Variants in KDM4C observed in about 807,000 individuals in gnomAD.
KDM4C encodes the protein lysine demethylase 4C.
In KDM4C, 81 loss-of-function variants were observed where a neutral mutation model predicts 129.3. The ratio of observed to expected loss-of-function variants is 0.63; its 90% CI spans 0.52 to 0.75. The LOEUF (loss-of-function observed/expected upper bound fraction) is 0.75, where lower values mean the gene tolerates loss of function less well. Among genes scored for constraint, KDM4C ranks in the 30% least tolerant of loss-of-function variants. The pLI is 0.00. For synonymous variants in KDM4C, 573 were observed against 456.1 expected, an observed-to-expected ratio of 1.26 and a Z score of -3.26; for missense variants, 1,457 against 1,304.0, an observed-to-expected ratio of 1.12 and a Z score of -1.81.
At chr9:6,879,921 T>C (rs1050542711) in intron 5 of KDM4C, 91 bp from the exon 6 acceptor site, 3 of 596,242 alleles carry the variant, frequency 5.0e-6, no homozygotes, top group Non-Finnish European at 8.9e-6. Context: ...GTTGAATTTC[T>C]TTTATGTGAC....
At chr9:7,055,519 C>T (rs371866035) in intron 17 of KDM4C, among the ~76,000 whole-genome samples, 4 of 152,202 alleles carry the variant, frequency 2.6e-5, no homozygotes, top group African/African-American at 9.6e-5. Context: ...CCATACTATT[C>T]TGCTTAGAAG....
chr9:7,132,362 T>C (rs1840735282), intron 19 of KDM4C, among the ~76,000 whole-genome samples: 2 of 152,140 alleles, frequency 1.3e-5, no homozygotes, highest in African/African-American at 4.8e-5. Context: ...TACGTTAGCG[T>C]TATGTGACTG....
rs190667328 is a variant in KDM4C, at chr9:6,770,836, C to T, written c.-18+12633C>T. Among the ~76,000 whole-genome samples, 464 of 137,058 alleles carry T rather than the reference C, an allele frequency of 3.4e-3. 2 individuals carry two copies. The highest frequency in any genetic ancestry group is 0.012 in the African/African-American group (433 of 36,112). The allele number at this position is 137,058 out of a possible 152,430, so 89.9% of individuals were successfully genotyped here. The stretch of plus-strand genomic sequence containing the variant: ...TGTCGCTCAGGCTGGAATGCAGTGG[C>T]GCAATCTTGGCTCACTGCAACCTCT... On this transcript the variant is annotated intron_variant, in intron 1 of 21. Coordinates refer to ENST00000381309, the MANE Select transcript of KDM4C (RefSeq NM_015061.6).
At chr9:6,772,448 G>A (rs957400402) in intron 1 of KDM4C, among the ~76,000 whole-genome samples, 10 of 151,906 alleles carry the variant, frequency 6.6e-5, no homozygotes, top group African/African-American at 9.7e-5. Flanking sequence ...CGCAACCTCC[G>A]CCTCCTGCGT....
chr9:6,867,504 A>C (rs1310910895), intron 5 of KDM4C, among the ~76,000 whole-genome samples: 1 of 152,228 alleles, frequency 6.6e-6, no homozygotes, highest in African/African-American at 2.4e-5. Flanking sequence ...AGTTTGCTTC[A>C]GAAAATTTTT....
intron 17 of KDM4C, among the ~76,000 whole-genome samples, chr9:7,064,955 T>C (rs1832219237): frequency 6.6e-6 from 1 of 152,230 alleles, no homozygotes; most frequent in African/African-American, 2.4e-5. Context: ...GTCTCTTGTA[T>C]ATTCTCTCTT....
chr9:7,048,663 G>A (rs1829745418), intron 16 of KDM4C, among the ~76,000 whole-genome samples: 1 of 151,946 alleles, frequency 6.6e-6, no homozygotes, highest in South Asian at 2.1e-4. Flanking sequence ...CATGACATTT[G>A]TATTATTTTA....
intron 5 of KDM4C, among the ~76,000 whole-genome samples, chr9:6,865,861 C>G (rs984430090): frequency 6.6e-6 from 1 of 152,134 alleles, no homozygotes; most frequent in Non-Finnish European, 1.5e-5. Flanking sequence ...CGCCATTCTC[C>G]TGCCTCAGCC....
chr9:6,807,499 A>G (rs1417956662), intron 3 of KDM4C, among the ~76,000 whole-genome samples: 2 of 122,208 alleles, frequency 1.6e-5, no homozygotes, highest in South Asian at 5.7e-4. Flanking sequence ...CCGGCCGCCC[A>G]TCGTCTGAGA....
chr9:6,972,790 A>G (rs1287641174), intron 8 of KDM4C, among the ~76,000 whole-genome samples: 3 of 152,338 alleles, frequency 2.0e-5, no homozygotes, highest in East Asian at 3.9e-4. Flanking sequence ...ATTTATTAGA[A>G]TAATAATGAA....
intron 4 of KDM4C, among the ~76,000 whole-genome samples, chr9:6,848,666 CA>C (rs1838291364): frequency 1.3e-5 from 2 of 149,852 alleles, no homozygotes; most frequent in South Asian, 4.2e-4. Flanking sequence ...GAGACTGTCT[CA>C]GGGGAAAAAA....
chr9:7,123,244 G>A (rs1213692733), intron 18 of KDM4C, among the ~76,000 whole-genome samples: 1 of 152,164 alleles, frequency 6.6e-6, no homozygotes, highest in Admixed American at 6.5e-5. Context: ...TCTGGAGCCA[G>A]CCTCTTCCTT....
intron 1 of KDM4C, among the ~76,000 whole-genome samples, chr9:6,780,144 A>C (rs892755887): frequency 6.6e-6 from 1 of 152,054 alleles, no homozygotes; most frequent in South Asian, 2.1e-4. Context: ...AATATATCCA[A>C]ATACCAGTTG....
intron 1 of KDM4C, among the ~76,000 whole-genome samples, chr9:6,734,213 G>T (rs1054781407): frequency 6.6e-6 from 1 of 150,530 alleles, no homozygotes. Flanking sequence ...GAAAGAGATT[G>T]ATCTTTTCTA....
chr9:6,997,187 G>C (rs1819917847), intron 12 of KDM4C, among the ~76,000 whole-genome samples: 1 of 151,698 alleles, frequency 6.6e-6, no homozygotes, highest in Non-Finnish European at 1.5e-5. Context: ...GCTGTTGTAA[G>C]GAGAGGGGGA....
intron 17 of KDM4C, among the ~76,000 whole-genome samples, chr9:7,096,041 G>A (rs1836394068): frequency 6.6e-6 from 1 of 152,206 alleles, no homozygotes; most frequent in Non-Finnish European, 1.5e-5. Context: ...TCAGCTGAAA[G>A]ATGTTTGGTG....
Position 6,920,162 on chromosome 9 carries a change from G to A in KDM4C, c.921+26930G>A, listed in dbSNP as rs148875273. ...TGGTGGGCAGGGGGCTAGGGAATGG[G>A]TGCTGGTGATTGTTTGGGGATGAAA... On this transcript the variant is annotated intron_variant, in intron 8 of 21. Transcript: ENST00000381309. 4.2e-3 allele frequency among the ~76,000 whole-genome samples: 636 copies of A among 152,182 alleles called. 2 individuals are homozygous for A. Among genetic ancestry groups the A allele is most frequent in the African/African-American group, 0.014 (580 of 41,522 alleles).
At chr9:7,117,526 T>G (rs1587725313) in intron 18 of KDM4C, among the ~76,000 whole-genome samples, 1 of 149,866 alleles carries the variant, frequency 6.7e-6, no homozygotes, top group South Asian at 2.1e-4. Flanking sequence ...CTCTCCAAAT[T>G]GTAATTCCTC....
chr9:7,028,778 A>G (rs1050716504), intron 15 of KDM4C, among the ~76,000 whole-genome samples: 1 of 152,140 alleles, frequency 6.6e-6, no homozygotes, highest in Non-Finnish European at 1.5e-5. Context: ...TGGACTGGTT[A>G]AATATTCCCT....
Sources: allele counts gnomAD v4.1 joint callset (sites outside exome capture counted in the v4.1 genomes callset), GRCh38; gene constraint gnomAD v4.1.1; transcripts MANE v1.5; gene names NCBI Gene and HGNC (gene_info 2026-07-23, HGNC 2026-07-21).